RNF25: variants seen among roughly 807,000 people sequenced by gnomAD.
RNF25 encodes the protein E3 ubiquitin-protein ligase RNF25.
In RNF25, 32 loss-of-function variants were observed where a neutral mutation model predicts 65.0. The observed-to-expected ratio is 0.49, with a 90% CI of 0.37 to 0.66. The LOEUF (loss-of-function observed/expected upper bound fraction) is 0.66, where lower values mean the gene tolerates loss of function less well. Among genes scored for constraint, RNF25 ranks in the 30% least tolerant of loss-of-function variants. The probability of loss-of-function intolerance (pLI) is 0.00; values close to 1 mark genes in which losing one functional copy is unlikely to be tolerated. For synonymous variants in RNF25, 207 were observed against 221.2 expected, an observed-to-expected ratio of 0.94 and a Z score of 0.57; for missense variants, 493 against 584.8, an observed-to-expected ratio of 0.84 and a Z score of 1.62.
intron 1 of RNF25, among the ~76,000 whole-genome samples, chr2:218,671,557 C>G (rs928226299): frequency 1.3e-5 from 2 of 152,228 alleles, no homozygotes; most frequent in Middle Eastern, 3.4e-3. Flanking sequence ...GGGGCCGGAA[C>G]TGGAGGGCAC....
chr2:218,669,683 A>G (rs75482790), intron 1 of RNF25, among the ~76,000 whole-genome samples: 4,079 of 152,364 alleles, frequency 0.027, 180 homozygotes, highest in African/African-American at 0.093. Context: ...ATACATGGAA[A>G]AATGCACACT....
In RNF25 at chr2:218,668,344, G is replaced by C; in HGVS notation, c.117-3C>G. On this transcript the variant is annotated splice_polypyrimidine_tract_variant and splice_region_variant and intron_variant, in intron 2 of 9. Transcript: ENST00000295704. ...TGTAGATCTCCCATGGTGAAGTTCT[G>C]CAGGTGGATCAAGTGGACACGCAGA... The C allele has an allele frequency of 6.2e-7, 1 of 1,605,736 alleles. No individual in the cohort carries two copies.
intron 8 of RNF25, 101 bp downstream of exon 8, chr2:218,665,054 G>T: frequency 1.4e-6 from 2 of 1,447,798 alleles, no homozygotes; most frequent in Non-Finnish European, 1.9e-6. Context: ...GGCAGTTCAA[G>T]CCCAATTTCA....
Position 218,671,961 on chromosome 2 carries a change from A to ACGCCGC in RNF25, c.4_9dup (p.Ala2_Ala3dup). The ACGCCGC allele has an allele frequency of 6.2e-7, 1 of 1,614,116 alleles. No individual in the cohort carries two copies. The highest frequency in any genetic ancestry group is 8.5e-7 in the Non-Finnish European group (1 of 1,180,014). ...TCCTCCCCTGCAGCTGCAGACGCAG[A>ACGCCGC]CGCCGCCATATCTTCACCGGCCCGC... On this transcript the variant is annotated inframe_insertion, in exon 1 of 10. Transcript: ENST00000295704.
rs760369509 is a variant in RNF25 at position 218,664,045 on chromosome 2, G to A, written c.1292C>T (p.Ser431Phe). 5 of 1,502,380 alleles carry A rather than the reference G, an allele frequency of 3.3e-6. No individual in the cohort carries two copies. Among genetic ancestry groups the A allele is most frequent in the Admixed American group, 4.6e-5 (2 of 43,360 alleles). 93.1% of individuals were successfully genotyped at this position (1,502,380 alleles called of 1,614,324 possible). A position where few individuals can be genotyped will look rare whatever the true frequency, so the allele number is the denominator to read the frequency against. Reference sequence around the variant, plus strand: ...CTGGCCCCGAGGCAGGCGAGGGTAGGAAGAACCGGGTGTCCGGCCTTTAGA... The same window carrying A: ...CTGGCCCCGAGGCAGGCGAGGGTAGAAAGAACCGGGTGTCCGGCCTTTAGA... Reference protein sequence around the residue: ...ERSKGRTPGSSYPRLPRGQGA... With the variant: ...ERSKGRTPGSFYPRLPRGQGA... The change falls in exon 10 of 10, where the codon TCC (serine) becomes TTC (phenylalanine). Residue 431 changes from serine to phenylalanine, a missense_variant. By Grantham distance (155) the Ser-to-Phe change is radical. This residue lies in a region of RNF25 where 351 missense variants were observed against 400.2 expected (regional missense o/e 0.88). Coordinates refer to ENST00000295704, the MANE Select transcript of RNF25 (RefSeq NM_022453.3). This position sits in a 1 kb window ranked among gnomAD's most constrained non-coding sequence, Gnocchi z 5.1.
chr2:218,666,070 G>A lies in RNF25; in HGVS notation c.430-11C>T, dbSNP rs751804722. 1.2e-5 allele frequency: 20 copies of A among 1,613,130 alleles called. 1 individual carries two copies. The South Asian group carries it at 1.9e-4, about 15-fold the overall frequency. ...AAAGGCCTCCTTCTCCTAGAGGGAA[G>A]GCAGATGTAGGGCACTAAGTCAGAG... is the stretch of plus-strand genomic sequence containing the variant. On this transcript the variant is annotated splice_polypyrimidine_tract_variant and intron_variant, in intron 6 of 9. Coordinates refer to ENST00000295704, the MANE Select transcript of RNF25 (RefSeq NM_022453.3).
At chr2:218,665,055 C>T (rs1559322058) in intron 8 of RNF25, 100 bp downstream of exon 8, 1 of 1,451,914 alleles carries the variant, frequency 6.9e-7, no homozygotes, top group Non-Finnish European at 9.6e-7. Flanking sequence ...GCAGTTCAAG[C>T]CCAATTTCAG....
Position 218,665,215 on chromosome 2 carries a change from T to C in RNF25, c.606A>G (p.Arg202=). The C allele has an allele frequency of 6.2e-7, 1 of 1,614,236 alleles. No homozygotes were observed. Among genetic ancestry groups the C allele is most frequent in the Non-Finnish European group, 8.5e-7 (1 of 1,180,046 alleles). ...KAVGVQCPVC[R]EPLVYDLASL... is the part of the protein sequence containing the mutation. ...AGGCAAGATCATACACGAGGGGCTC[T>C]CTGCACACTGGACACTGCACACCGA... Residue 202 remains arginine (R), a synonymous_variant, in exon 8 of 10, where the codon AGA becomes AGG. Transcript: ENST00000295704.
Position 218,664,786 on chromosome 2 carries a change from T to C in RNF25, c.754A>G (p.Ile252Val), listed in dbSNP as rs766360506. ...CGGTTTCGCTCAGCCTCAAGGTCAA[T>C]GATTCCCCCCCGCTCCTGCTGCCTC... ...YQRQQERGGI[I>V]DLEAERNRYF... is the part of the protein sequence containing the mutation. The change falls in exon 9 of 10, where the codon ATT becomes GTT. Residue 252 changes from isoleucine to valine, a missense_variant. Coordinates refer to ENST00000295704, the MANE Select transcript of RNF25 (RefSeq NM_022453.3). This position sits in a 1 kb window ranked among gnomAD's most constrained non-coding sequence, Gnocchi z 5.1. The C allele has an allele frequency of 1.9e-6, 3 of 1,614,252 alleles. No individual in the cohort carries two copies. Among genetic ancestry groups the C allele is most frequent in the Non-Finnish European group, 1.7e-6 (2 of 1,180,046 alleles).
At chr2:218,670,374 G>A (rs139928532) in intron 1 of RNF25, among the ~76,000 whole-genome samples, 134 of 151,970 alleles carry the variant, frequency 8.8e-4, no homozygotes, top group Non-Finnish European at 1.5e-3. Flanking sequence ...GGTCCTGGAT[G>A]GGATGGTGGT....
Position 218,664,609 on chromosome 2 carries a change from C to G in RNF25, c.802-74G>C. 5 of 1,573,632 alleles carry G rather than the reference C, an allele frequency of 3.2e-6. No homozygotes were observed. The South Asian group carries it at 5.8e-5, about 18-fold the overall frequency. On this transcript the variant is annotated intron_variant, in intron 9 of 9. Coordinates refer to ENST00000295704, the MANE Select transcript of RNF25 (RefSeq NM_022453.3). This position sits in a 1 kb window ranked among gnomAD's most constrained non-coding sequence, Gnocchi z 5.1. ...TGGGGAACTACAGGCCCCTCTCCTACTATCTGGGCTGACCACGATCAGCCT... is the reference window on the plus strand; with the variant it reads ...TGGGGAACTACAGGCCCCTCTCCTAGTATCTGGGCTGACCACGATCAGCCT...
intron 1 of RNF25, among the ~76,000 whole-genome samples, chr2:218,669,842 A>G (rs1448316855): frequency 6.6e-6 from 1 of 152,164 alleles, no homozygotes; most frequent in East Asian, 1.9e-4. Context: ...TCTGGCTGAC[A>G]TGGGAGTGGG....
Position 218,671,957 on chromosome 2 carries a change from G to A in RNF25, c.14C>T (p.Ala5Val), listed in dbSNP as rs754095085. The A allele has an allele frequency of 9.9e-6, 16 of 1,614,188 alleles. No homozygotes were observed. The highest frequency in any genetic ancestry group is 3.3e-5 in the South Asian group (3 of 91,082). ...GTCCTCCTCCCCTGCAGCTGCAGAC[G>A]CAGACGCCGCCATATCTTCACCGGC... MAASASAAAGEEDWV... is the reference protein window; with the variant it reads MAASVSAAAGEEDWV... Residue 5 changes from alanine (A) to valine (V), a missense_variant, in exon 1 of 10, where the codon GCG (alanine) becomes GTG (valine). By Grantham distance (64) the Ala-to-Val change is moderately conservative. Transcript: ENST00000295704.
In RNF25 at chr2:218,664,579, C is replaced by T; in HGVS notation, c.802-44G>A. ...ATGCAGTGAGGGAGATGCAGTTCCT[C>T]AAGGTGGGGAACTACAGGCCCCTCT... On this transcript the variant is annotated intron_variant, in intron 9 of 9. Coordinates refer to ENST00000295704, the MANE Select transcript of RNF25 (RefSeq NM_022453.3). The surrounding 1 kb of genome is among the most constrained non-coding windows in gnomAD (Gnocchi z 5.1). The T allele has an allele frequency of 6.3e-7, 1 of 1,593,190 alleles. No individual in the cohort carries two copies. Among genetic ancestry groups the T allele is most frequent in the East Asian group, 2.2e-5 (1 of 44,670 alleles).
At position 218,666,178 on chromosome 2, in the gene RNF25, A is replaced by G. The variant is rs776121230; in HGVS notation, c.410T>C (p.Ile137Thr). The G allele has an allele frequency of 6.2e-7, 1 of 1,614,130 alleles. No individual in the cohort carries two copies. The highest frequency in any genetic ancestry group is 8.5e-7 in the Non-Finnish European group (1 of 1,179,988). Residue 137 changes from isoleucine (I) to threonine (T), a missense_variant, in exon 6 of 10, where the codon ATC (isoleucine) becomes ACC (threonine). Physicochemically the swap from Ile to Thr is moderately conservative, Grantham distance 89. This residue lies in a region of RNF25 where 108 missense variants were observed against 166.0 expected (regional missense o/e 0.65). Transcript: ENST00000295704. ...DNNIPHGQCV[I>T]CLYGFQEKEA... ...ACCCACCTGGAAACCATAGAGGCAG[A>G]TGACACACTGGCCATGAGGGATGTT...
At chr2:218,668,180 C>T (rs2556384) in intron 3 of RNF25, 34 bp from the exon 4 acceptor site, 699,395 of 1,611,510 alleles carry the variant, frequency 0.43, 161,233 homozygotes, top group African/African-American at 0.86. Context: ...ACTGCTGAAG[C>T]GGTCCACCCC....
chr2:218,664,959 C>A lies in RNF25; in HGVS notation c.667-86G>T. The A allele has an allele frequency of 6.4e-7, 1 of 1,567,050 alleles. No individual in the cohort carries two copies. The highest frequency in any genetic ancestry group is 8.7e-7 in the Non-Finnish European group (1 of 1,152,950). On this transcript the variant is annotated intron_variant, in intron 8 of 9. Coordinates refer to ENST00000295704, the MANE Select transcript of RNF25 (RefSeq NM_022453.3). The surrounding 1 kb of genome is among the most constrained non-coding windows in gnomAD (Gnocchi z 5.1). The stretch of plus-strand genomic sequence containing the variant: ...CTCCTCCCAGGCTGCCTCAGGAGAT[C>A]TGCACTGGTTTTGCCCCTCAGGTCT...
At position 218,668,394 on chromosome 2, in the gene RNF25, CTGGGGAGGA is replaced by C. The variant is rs899106907; in HGVS notation, c.117-62_117-54del. ...ATGTGACTGGGTAGGGGCTTGGGGGCTGGGGAGGATGGGGCTGAGACAGTGAAGTGGGCA... is the reference window on the plus strand; with the variant it reads ...ATGTGACTGGGTAGGGGCTTGGGGGCTGGGGCTGAGACAGTGAAGTGGGCA... On this transcript the variant is annotated intron_variant, in intron 2 of 9. Coordinates refer to ENST00000295704, the MANE Select transcript of RNF25 (RefSeq NM_022453.3). 25 of 779,846 alleles carry C rather than the reference CTGGGGAGGA, an allele frequency of 3.2e-5. No homozygotes were observed. The East Asian group carries it at 7.9e-4, about 25-fold the overall frequency. 48.3% of individuals were successfully genotyped at this position (779,846 alleles called of 1,614,324 possible). A position where few individuals can be genotyped will look rare whatever the true frequency, so the allele number is the denominator to read the frequency against.
At chr2:218,665,115 A>G (rs2303563) in intron 8 of RNF25, 40 bp downstream of exon 8, 83,978 of 1,584,748 alleles carry the variant, frequency 0.053, 5,065 homozygotes, top group African/African-American at 0.31. Flanking sequence ...TTTAGAAAAT[A>G]CCATTACTCC....
Sources: allele counts gnomAD v4.1 joint callset (sites outside exome capture counted in the v4.1 genomes callset), GRCh38; gene constraint gnomAD v4.1.1; regional missense constraint gnomAD v4.1.1; non-coding constraint Gnocchi (gnomAD v3.1); transcripts MANE v1.5; gene names NCBI Gene and HGNC (gene_info 2026-07-23, HGNC 2026-07-21).